Variants in EPHA6 observed in about 807,000 individuals in gnomAD.
EPHA6 encodes ephrin type-A receptor 6.
EPHA6 carries 50 observed loss-of-function variants against 112.0 expected under a neutral mutation model. The observed-to-expected ratio is 0.45, with a 90% CI of 0.36 to 0.56. The LOEUF (loss-of-function observed/expected upper bound fraction) is 0.56, where lower values mean the gene tolerates loss of function less well. Ranked by LOEUF, EPHA6 falls within the 20% of genes least tolerant of loss-of-function variation. The pLI is 0.00. For synonymous variants in EPHA6, 529 were observed against 490.7 expected (o/e 1.08, Z -1.03); for missense variants, 1,280 against 1,417.4 (o/e 0.90, Z 1.56).
chr3:97,241,011 A>T (rs1266377216), intron 4 of EPHA6, among the ~76,000 whole-genome samples: 1 of 151,748 alleles, frequency 6.6e-6, no homozygotes, highest in East Asian at 1.9e-4. Flanking sequence ...GGCCTCTGCT[A>T]CTCCGAGAGG....
At chr3:96,868,579 G>C (rs1314870662) in intron 2 of EPHA6, among the ~76,000 whole-genome samples, 1 of 151,790 alleles carries the variant, frequency 6.6e-6, no homozygotes, top group African/African-American at 2.4e-5. Context: ...TTTCACTGAG[G>C]CATGCTCATT....
intron 11 of EPHA6, among the ~76,000 whole-genome samples, chr3:97,552,176 G>A (rs568203179): frequency 1.3e-5 from 2 of 152,098 alleles, no homozygotes; most frequent in Non-Finnish European, 2.9e-5. Context: ...CAGAAAATGT[G>A]GAAGACTGTG....
At chr3:97,334,178 A>G (rs1559895403) in intron 5 of EPHA6, among the ~76,000 whole-genome samples, 1 of 152,130 alleles carries the variant, frequency 6.6e-6, no homozygotes, top group African/African-American at 2.4e-5. Context: ...TAACTTTGTT[A>G]TAGCTTGCTT....
At chr3:96,843,845 CT>C (rs892857280) in intron 1 of EPHA6, among the ~76,000 whole-genome samples, 1 of 151,808 alleles carries the variant, frequency 6.6e-6, no homozygotes, top group Admixed American at 6.6e-5. Context: ...AAGAAATATT[CT>C]TTTTTTAACT....
chr3:97,458,630 G>A (rs1268699619), intron 7 of EPHA6, among the ~76,000 whole-genome samples: 1 of 151,902 alleles, frequency 6.6e-6, no homozygotes, highest in Admixed American at 6.5e-5. Context: ...TTGAGATAAA[G>A]GAATGAAATT....
intron 1 of EPHA6, among the ~76,000 whole-genome samples, chr3:96,849,275 A>C (rs1014053769): frequency 2.6e-5 from 4 of 152,150 alleles, no homozygotes; most frequent in African/African-American, 9.7e-5. Flanking sequence ...GATCAGTAGT[A>C]ATGTGGATGA....
At chr3:97,538,120 A>G (rs538761939) in intron 11 of EPHA6, among the ~76,000 whole-genome samples, 9 of 152,296 alleles carry the variant, frequency 5.9e-5, no homozygotes, top group African/African-American at 1.7e-4. Context: ...CAAAGTAATA[A>G]TAGTGTGGAT....
intron 3 of EPHA6, among the ~76,000 whole-genome samples, chr3:97,160,659 G>A (rs1467181711): frequency 6.6e-6 from 1 of 152,054 alleles, no homozygotes; most frequent in Non-Finnish European, 1.5e-5. Context: ...CAATTTCCCT[G>A]TTATCTTCCT....
chr3:97,455,950 C>A (rs1024525515), intron 7 of EPHA6, among the ~76,000 whole-genome samples: 2 of 151,668 alleles, frequency 1.3e-5, no homozygotes, highest in Non-Finnish European at 2.9e-5. Flanking sequence ...AGATTGAAGA[C>A]CTTAATATGA....
At chr3:96,929,710 G>T (rs900758325) in intron 2 of EPHA6, among the ~76,000 whole-genome samples, 1 of 152,070 alleles carries the variant, frequency 6.6e-6, no homozygotes, top group Non-Finnish European at 1.5e-5. Context: ...TGTTGGGGTC[G>T]ATCTTCTTGT....
chr3:97,355,274 AG>A (rs2108908488), intron 5 of EPHA6, among the ~76,000 whole-genome samples: 1 of 152,356 alleles, frequency 6.6e-6, no homozygotes, highest in Non-Finnish European at 1.5e-5. Context: ...AAAGACTAAA[AG>A]ATGAACCCAT....
intron 4 of EPHA6, among the ~76,000 whole-genome samples, chr3:97,235,694 C>G (rs191721929): frequency 6.6e-6 from 1 of 152,044 alleles, no homozygotes; most frequent in South Asian, 2.1e-4. Flanking sequence ...CTGCTTATAG[C>G]CTTTCACATC....
At chr3:97,533,069 A>G (rs930858410) in intron 11 of EPHA6, among the ~76,000 whole-genome samples, 1 of 151,990 alleles carries the variant, frequency 6.6e-6, no homozygotes, top group Admixed American at 6.6e-5. Flanking sequence ...CACAGAAATA[A>G]TGGAACAAAG....
chr3:97,410,416 G>T (rs1438721641), intron 6 of EPHA6, among the ~76,000 whole-genome samples: 1 of 151,888 alleles, frequency 6.6e-6, no homozygotes, highest in Non-Finnish European at 1.5e-5. Flanking sequence ...CTTTACTTAA[G>T]TGTTTGCCCA....
intron 6 of EPHA6, among the ~76,000 whole-genome samples, chr3:97,435,010 C>A (rs1023499820): frequency 2.2e-4 from 33 of 151,568 alleles, no homozygotes; most frequent in Non-Finnish European, 4.3e-4. Context: ...TCTTAGATTG[C>A]CATACAGAGC....
Position 97,097,864 on chromosome 3 carries a change from T to C in EPHA6, c.1114+109871T>C, listed in dbSNP as rs145220274. ...AAAAGAGAAGTCAAGTAGGCAATGG[T>C]TATTAAATCACATTTCTGGATGTGA... On this transcript the variant is annotated intron_variant, in intron 3 of 17. Transcript: ENST00000389672. Among the ~76,000 whole-genome samples the C allele has an allele frequency of 6.3e-3, 951 of 152,070 alleles. 6 individuals are homozygous for C. Among genetic ancestry groups the C allele is most frequent in the African/African-American group, 0.022 (909 of 41,536 alleles).
At chr3:97,358,094 G>T (rs1280697498) in intron 5 of EPHA6, among the ~76,000 whole-genome samples, 1 of 152,112 alleles carries the variant, frequency 6.6e-6, no homozygotes, top group African/African-American at 2.4e-5. Context: ...GTTTTTCAAG[G>T]GTCAACTGTA....
At chr3:97,054,781 T>G (rs1341481394) in intron 3 of EPHA6, among the ~76,000 whole-genome samples, 4 of 152,118 alleles carry the variant, frequency 2.6e-5, no homozygotes, top group African/African-American at 9.7e-5. Context: ...TTTAGCCTGT[T>G]TTATATGTCA....
At chr3:97,443,815 A>T (rs182173829) in intron 6 of EPHA6, among the ~76,000 whole-genome samples, 15 of 152,242 alleles carry the variant, frequency 9.9e-5, no homozygotes, top group African/African-American at 3.6e-4. Context: ...TGTGGTCCAT[A>T]AGGTGTGTTA....
Sources: gnomAD v4.1 joint callset for allele counts (sites outside exome capture counted in the v4.1 genomes callset) on GRCh38, gnomAD v4.1.1 for gene constraint, MANE v1.5 for transcripts, NCBI Gene and HGNC (gene_info 2026-07-23, HGNC 2026-07-21) for gene names.